Variants in ASXL2 observed in about 807,000 individuals in gnomAD.
ASXL2 encodes putative Polycomb group protein ASXL2.
A neutral mutation model predicts 122.0 loss-of-function variants in ASXL2; 23 were observed. The observed-to-expected ratio is 0.19, with a 90% CI of 0.14 to 0.27. The LOEUF is 0.27. ASXL2 is among the 10% of genes least tolerant of loss of function. The pLI, the probability that ASXL2 is intolerant of heterozygous loss-of-function variation, is 1.00. For synonymous variants in ASXL2, 650 were observed against 637.0 expected, an observed-to-expected ratio of 1.02 and a Z score of -0.31; for missense variants, 1,518 against 1,713.8, an observed-to-expected ratio of 0.89 and a Z score of 2.02.
intron 1 of ASXL2, among the ~76,000 whole-genome samples, chr2:25,855,381 A>C (rs559508703): frequency 7.9e-5 from 12 of 152,290 alleles, no homozygotes; most frequent in African/African-American, 2.6e-4. Flanking sequence ...CTCTATCCCT[A>C]CTAAAAATAT....
At chr2:25,785,335 C>T (rs1488468243) in intron 5 of ASXL2, among the ~76,000 whole-genome samples, 1 of 152,056 alleles carries the variant, frequency 6.6e-6, no homozygotes, top group Admixed American at 6.5e-5. Context: ...AAGTGATTCT[C>T]GTGCCTTGCC....
At chr2:25,774,567 T>C (rs1408444608) in intron 5 of ASXL2, among the ~76,000 whole-genome samples, 1 of 152,168 alleles carries the variant, frequency 6.6e-6, no homozygotes, top group Non-Finnish European at 1.5e-5. Flanking sequence ...AATCATTTAA[T>C]AGCATTGAAT....
intron 3 of ASXL2, among the ~76,000 whole-genome samples, chr2:25,820,505 A>G (rs1222652344): frequency 6.6e-6 from 1 of 152,234 alleles, no homozygotes; most frequent in East Asian, 1.9e-4. Context: ...TGGAATTTGG[A>G]GTTTATGATT....
intron 5 of ASXL2, among the ~76,000 whole-genome samples, chr2:25,790,828 G>C (rs2149166897): frequency 8.0e-6 from 1 of 125,500 alleles, no homozygotes; most frequent in East Asian, 2.1e-4. Context: ...TTTTGAGACA[G>C]GGTCTCTCTC....
Position 25,750,198 on chromosome 2 carries a change from A to C in ASXL2, c.1358T>G (p.Val453Gly), listed in dbSNP as rs1389253765. The C allele has an allele frequency of 6.2e-7, 1 of 1,613,776 alleles. No homozygotes were observed. Among genetic ancestry groups the C allele is most frequent in the Non-Finnish European group, 8.5e-7 (1 of 1,179,796 alleles). The change falls in exon 12 of 13, where the codon GTG (valine) becomes GGG (glycine). Residue 453 changes from valine to glycine, a missense_variant. By Grantham distance (109) the Val-to-Gly change is moderately radical (BLOSUM62 -3). Coordinates refer to ENST00000435504, the MANE Select transcript of ASXL2 (RefSeq NM_018263.6). ...RKEECESQGE[V>G]QPNFSTSSEP... ...TGAAGATGTGGAGAAGTTCGGCTGCACTTCACCTTGGCTTTCACACTCTTC... is the reference window on the plus strand; with the variant it reads ...TGAAGATGTGGAGAAGTTCGGCTGCCCTTCACCTTGGCTTTCACACTCTTC...
chr2:25,792,202 A>G (rs777038076), intron 5 of ASXL2, among the ~76,000 whole-genome samples: 2 of 152,176 alleles, frequency 1.3e-5, no homozygotes, highest in African/African-American at 2.4e-5. Flanking sequence ...GAGTCTCACT[A>G]TATTGCCCAG....
At chr2:25,787,242 G>A (rs182983742) in intron 5 of ASXL2, among the ~76,000 whole-genome samples, 5 of 152,272 alleles carry the variant, frequency 3.3e-5, no homozygotes, top group African/African-American at 7.2e-5. Flanking sequence ...TGCAGTTGCA[G>A]AGCAACCATG....
chr2:25,771,298 A>C, intron 6 of ASXL2, 142 bp downstream of exon 6: 1 of 637,536 alleles, frequency 1.6e-6, no homozygotes. Context: ...AAATTACTAA[A>C]ACCACATTGG....
intron 2 of ASXL2, among the ~76,000 whole-genome samples, chr2:25,841,108 G>GGC (rs71310122): frequency 6.6e-6 from 1 of 152,022 alleles, no homozygotes; most frequent in Non-Finnish European, 1.5e-5. Context: ...GACCGGCCTG[G>GGC]ATGGCGAAAC....
At chr2:25,796,025 GCTCT>G (rs1345818766) in intron 5 of ASXL2, among the ~76,000 whole-genome samples, 1 of 152,096 alleles carries the variant, frequency 6.6e-6, no homozygotes, top group Non-Finnish European at 1.5e-5. Flanking sequence ...GGTCTGGGTA[GCTCT>G]CTAAGTGGTT....
At chr2:25,873,963 T>C (rs951163171) in intron 1 of ASXL2, among the ~76,000 whole-genome samples, 25 of 152,320 alleles carry the variant, frequency 1.6e-4, no homozygotes, top group African/African-American at 5.3e-4. Context: ...AAAGTTCTGC[T>C]TTGCAAAAAC....
In ASXL2 at chr2:25,750,107, T is replaced by C. The variant is rs750766593; in HGVS notation, c.1449A>G (p.Pro483=). 1 of 1,614,008 alleles carries C rather than the reference T, an allele frequency of 6.2e-7. No homozygotes were observed. The highest frequency in any genetic ancestry group is 1.1e-5 in the South Asian group (1 of 91,080). The change falls in exon 12 of 13, where the codon CCA becomes CCG. Residue 483 remains proline, a synonymous_variant. Transcript: ENST00000435504. ...TCTGCTCCAAGAGATCCTCATCCTTTGGGCACTTGATGGGAAGAATGCTGC... is the reference window on the plus strand; with the variant it reads ...TCTGCTCCAAGAGATCCTCATCCTTCGGGCACTTGATGGGAAGAATGCTGC... ...ELSSILPIKC[P]KDEDLLEQKP... is the part of the protein sequence containing the mutation.
chr2:25,861,944 G>A (rs2089846104), intron 1 of ASXL2, among the ~76,000 whole-genome samples: 1 of 152,144 alleles, frequency 6.6e-6, no homozygotes, highest in Admixed American at 6.5e-5. Context: ...GACTGGGGAA[G>A]ATCAGATTCC....
intron 3 of ASXL2, among the ~76,000 whole-genome samples, chr2:25,821,854 T>C (rs1471796999): frequency 6.6e-6 from 1 of 152,208 alleles, no homozygotes; most frequent in Non-Finnish European, 1.5e-5. Flanking sequence ...CTTTCTGCTG[T>C]TTCTGGACCT....
intron 3 of ASXL2, among the ~76,000 whole-genome samples, chr2:25,818,752 G>A (rs539695613): frequency 2.0e-4 from 30 of 152,018 alleles, no homozygotes; most frequent in Non-Finnish European, 3.8e-4. Context: ...CACCATATGC[G>A]GCAACAGTGA....
At chr2:25,841,155 A>C (rs1354184047) in intron 2 of ASXL2, among the ~76,000 whole-genome samples, 2 of 152,168 alleles carry the variant, frequency 1.3e-5, no homozygotes, top group Non-Finnish European at 2.9e-5. Context: ...TTAGCTGGGC[A>C]TGGTGGCACA....
At position 25,830,138 on chromosome 2, in the gene ASXL2, T is replaced by C. The variant is rs533626904; in HGVS notation, c.143+5400A>G. Among the ~76,000 whole-genome samples, 8 of 152,318 alleles carry C rather than the reference T, an allele frequency of 5.3e-5. No individual in the cohort carries two copies. The South Asian group carries it at 1.5e-3, about 28-fold the overall frequency. ...AAAGGATCTGAAAATTAAACTGTTA[T>C]TGGAACCACAATCCACTAAAACAGT... On this transcript the variant is annotated intron_variant, in intron 3 of 12. Transcript: ENST00000435504.
rs760461713 is a variant in ASXL2 at position 25,759,641 on chromosome 2, T to C, written c.780A>G (p.Gln260=). The change falls in exon 9 of 13, where the codon CAA becomes CAG. Residue 260 remains glutamine (Q), a synonymous_variant. Transcript: ENST00000435504. Reference sequence around the variant, plus strand: ...TGTCAGCACATTTAGTTCTTTTCATTTGTCCTACAAAAACAGAGAAGAATC... The same window carrying C: ...TGTCAGCACATTTAGTTCTTTTCATCTGTCCTACAAAAACAGAGAAGAATC... ...FQRSERLHTR[Q]MKRTKCADID... is the part of the protein sequence containing the mutation. The C allele has an allele frequency of 3.7e-6, 6 of 1,609,118 alleles. No homozygotes were observed. The highest frequency in any genetic ancestry group is 4.3e-6 in the Non-Finnish European group (5 of 1,176,388).
At chr2:25,759,389 A>G (rs1482587914) in intron 9 of ASXL2, 93 bp downstream of exon 9, 26 of 1,318,122 alleles carry the variant, frequency 2.0e-5, no homozygotes, top group Non-Finnish European at 2.5e-5. Flanking sequence ...CTTATGTAAA[A>G]ATATTCTTAC....
Sources: allele counts gnomAD v4.1 joint callset (sites outside exome capture counted in the v4.1 genomes callset), GRCh38; gene constraint gnomAD v4.1.1; transcripts MANE v1.5; gene names NCBI Gene and HGNC (gene_info 2026-07-23, HGNC 2026-07-21).